The following SASH1 variants were observed in gnomAD, a reference collection of about 807,000 sequenced individuals.
SASH1 encodes SAM and SH3 domain containing 1.
In SASH1, 44 loss-of-function variants were observed where a neutral mutation model predicts 125.2. That is an observed-to-expected ratio of 0.35 (90% confidence interval 0.28 to 0.45). The LOEUF is 0.45. Ranked by LOEUF, SASH1 falls within the 20% of genes least tolerant of loss-of-function variation. SASH1 has a pLI of 1.00. For missense variants in SASH1, 1,426 were observed against 1,614.5 expected (o/e 0.88, Z 2.00); for synonymous variants, 639 against 649.1 (o/e 0.98, Z 0.24).
intron 2 of SASH1, among the ~76,000 whole-genome samples, chr6:148,396,336 G>A (rs908693488): frequency 6.6e-6 from 1 of 151,860 alleles, no homozygotes; most frequent in Non-Finnish European, 1.5e-5. Flanking sequence ...AAATTAGCCA[G>A]GTGTGGTGGT....
At chr6:148,344,616 A>G (rs1217625229) in intron 1 of SASH1, among the ~76,000 whole-genome samples, 1 of 152,164 alleles carries the variant, frequency 6.6e-6, no homozygotes, top group Non-Finnish European at 1.5e-5. Context: ...TGTATATAAT[A>G]TACCTAAATC....
At chr6:148,270,016 TAC>T (rs71786924), upstream of SASH1, among the ~76,000 whole-genome samples, 20,532 of 152,218 alleles carry the variant, frequency 0.13, 1,518 homozygotes, top group Non-Finnish European at 0.17. Flanking sequence ...TAGACCGATA[TAC>T]ACTGATGTTA....
chr6:148,549,395 A>G lies in SASH1; in HGVS notation c.*837A>G, dbSNP rs1284217427. ...AGTAAAAAGCTATCTGAAATTCACAAATATCATGTGTGTGCGTGCGTGCGT... is the reference window on the plus strand; with the variant it reads ...AGTAAAAAGCTATCTGAAATTCACAGATATCATGTGTGTGCGTGCGTGCGT... On this transcript the variant is annotated 3_prime_UTR_variant, in exon 20 of 20. Transcript: ENST00000367467. 1 of 383,634 alleles carries G rather than the reference A, an allele frequency of 2.6e-6. No homozygotes were observed. Among genetic ancestry groups the G allele is most frequent in the African/African-American group, 2.1e-5 (1 of 48,452 alleles). The allele number at this position is 383,634 out of a possible 1,614,324, so 23.8% of individuals were successfully genotyped here. A position where few individuals can be genotyped will look rare whatever the true frequency, so the allele number is the denominator to read the frequency against.
chr6:148,484,345 C>G (rs1260587803), intron 7 of SASH1, among the ~76,000 whole-genome samples: 1 of 152,090 alleles, frequency 6.6e-6, no homozygotes, highest in East Asian at 1.9e-4. Context: ...AAGACACACA[C>G]ACACACCTTA....
chr6:148,484,112 C>T (rs1778739474), intron 7 of SASH1, among the ~76,000 whole-genome samples: 1 of 152,104 alleles, frequency 6.6e-6, no homozygotes. Context: ...ATTTAAAAAG[C>T]AGCTGGAGTG....
intron 2 of SASH1, among the ~76,000 whole-genome samples, chr6:148,416,806 C>T (rs1784838779): frequency 2.0e-5 from 3 of 152,164 alleles, no homozygotes; most frequent in African/African-American, 7.2e-5. Flanking sequence ...GGGTTTTTGC[C>T]ACACAAGGCC....
intron 1 of SASH1, among the ~76,000 whole-genome samples, chr6:148,361,914 C>CTTTT (rs745596285): frequency 2.4e-5 from 3 of 125,512 alleles, no homozygotes; most frequent in South Asian, 2.7e-4. Flanking sequence ...TTTTCTTTTT[C>CTTTT]TTTTTTTTTT....
chr6:148,244,996 A>T, the SASH1 span, among the ~76,000 whole-genome samples: 8 of 149,742 alleles, frequency 5.3e-5, no homozygotes, highest in Admixed American at 2.0e-4. Context: ...GAAAGATTAC[A>T]AGCTGTATCT....
chr6:148,371,775 G>A (rs569330759), intron 1 of SASH1, among the ~76,000 whole-genome samples: 5 of 152,090 alleles, frequency 3.3e-5, no homozygotes, highest in Non-Finnish European at 5.9e-5. Context: ...CTGCCTCCCC[G>A]TGACCCAGGA....
chr6:148,304,770 G>A (rs555129299), intron 1 of SASH1, among the ~76,000 whole-genome samples: 58 of 152,328 alleles, frequency 3.8e-4, no homozygotes, highest in African/African-American at 1.4e-3. Flanking sequence ...GCTCACGCCT[G>A]TAATCCCAAC....
Position 148,494,621 on chromosome 6 carries a change from G to A in SASH1, c.729+6906G>A, listed in dbSNP as rs142149029. ...CAGCCTGGCGACAGAACAAGACTCCGTCTCAAAAAAACAAAAAACAAAAAC... is the reference window on the plus strand; with the variant it reads ...CAGCCTGGCGACAGAACAAGACTCCATCTCAAAAAAACAAAAAACAAAAAC... On this transcript the variant is annotated intron_variant, in intron 8 of 19. Transcript: ENST00000367467. Among the ~76,000 whole-genome samples the A allele has an allele frequency of 3.9e-3, 589 of 152,100 alleles. 1 individual carries two copies. Among genetic ancestry groups the A allele is most frequent in the African/African-American group, 0.013 (548 of 41,478 alleles).
intron 1 of SASH1, among the ~76,000 whole-genome samples, chr6:148,376,233 A>AT (rs1292751491): frequency 6.6e-6 from 1 of 151,794 alleles, no homozygotes; most frequent in African/African-American, 2.4e-5. Flanking sequence ...TGCCTAGCTA[A>AT]TTTTTTTGTA....
chr6:148,201,740 G>A, the SASH1 span, among the ~76,000 whole-genome samples: 1 of 152,160 alleles, frequency 6.6e-6, no homozygotes, highest in Non-Finnish European at 1.5e-5. Flanking sequence ...TCTGAACCAG[G>A]ACCAGTGGAA....
chr6:148,511,368 CACACA>C (rs1780119972), intron 8 of SASH1, among the ~76,000 whole-genome samples: 5 of 143,208 alleles, frequency 3.5e-5, no homozygotes, highest in Admixed American at 7.1e-5. Flanking sequence ...CACACACACA[CACACA>C]CCTTGGATGA....
chr6:148,204,031 T>A, the SASH1 span, among the ~76,000 whole-genome samples: 1 of 152,152 alleles, frequency 6.6e-6, no homozygotes, highest in Non-Finnish European at 1.5e-5. Context: ...TTGCCGGGAA[T>A]TTTTGCTGCA....
chr6:148,476,119 G>C (rs1778330438), intron 7 of SASH1, among the ~76,000 whole-genome samples: 1 of 151,928 alleles, frequency 6.6e-6, no homozygotes, highest in Admixed American at 6.6e-5. Context: ...ATACATTTCT[G>C]TGTATGTGTT....
At chr6:148,324,837 G>A (rs1177485759) in intron 1 of SASH1, among the ~76,000 whole-genome samples, 2 of 152,106 alleles carry the variant, frequency 1.3e-5, no homozygotes, top group Non-Finnish European at 2.9e-5. Flanking sequence ...AAACTAGGAC[G>A]GCTGGGCACC....
intron 1 of SASH1, among the ~76,000 whole-genome samples, chr6:148,312,427 G>A (rs1348878805): frequency 2.0e-5 from 3 of 152,156 alleles, no homozygotes; most frequent in East Asian, 3.9e-4. Context: ...AGGATTGCTT[G>A]AGCCTAGGAG....
Position 148,544,542 on chromosome 6 carries a change from C to A in SASH1, c.3072C>A (p.Gly1024=). The change falls in exon 18 of 20, where the codon GGC becomes GGA. Residue 1024 remains glycine (G), a synonymous_variant. Transcript: ENST00000367467. This position sits in a 1 kb window ranked among gnomAD's most constrained non-coding sequence, Gnocchi z 6.4. The part of the protein sequence containing the change: ...PDAPCLPVKR[G]SPASPTSPSD... Reference sequence around the variant, plus strand: ...CGCCATGCCTGCCAGTGAAAAGGGGCAGCCCCGCCAGCCCCACCAGCCCTA... The same window carrying A: ...CGCCATGCCTGCCAGTGAAAAGGGGAAGCCCCGCCAGCCCCACCAGCCCTA... The A allele has an allele frequency of 6.2e-7, 1 of 1,612,840 alleles. No individual in the cohort carries two copies. The highest frequency in any genetic ancestry group is 1.3e-5 in the African/African-American group (1 of 75,032).
Sources: gnomAD v4.1 joint callset for allele counts (sites outside exome capture counted in the v4.1 genomes callset) on GRCh38, gnomAD v4.1.1 for gene constraint, Gnocchi (gnomAD v3.1) non-coding constraint, MANE v1.5 for transcripts, NCBI Gene and HGNC (gene_info 2026-07-23, HGNC 2026-07-21) for gene names.